IL1RAPL2: variants seen among roughly 807,000 people sequenced by gnomAD.
IL1RAPL2 encodes interleukin 1 receptor accessory protein like 2.
Under a neutral mutation model 44.1 loss-of-function variants are expected in IL1RAPL2, and 3 were observed. The observed-to-expected ratio is 0.07, with a 90% CI of 0.03 to 0.18. The LOEUF (loss-of-function observed/expected upper bound fraction) is 0.18. IL1RAPL2 is among the 10% of genes least tolerant of loss of function. The probability of loss-of-function intolerance (pLI) is 1.00; values close to 1 mark genes in which losing one functional copy is unlikely to be tolerated. For synonymous variants in IL1RAPL2, 181 were observed against 178.8 expected (o/e 1.01, Z -0.10); for missense variants, 391 against 496.4 (o/e 0.79, Z 2.02).
intron 2 of IL1RAPL2, among the ~76,000 whole-genome samples, chrX:104,895,549 T>C (rs752058752): frequency 8.9e-6 from 1 of 112,633 alleles, no homozygotes; most frequent in East Asian, 2.8e-4. Flanking sequence ...GTGCTAGCAA[T>C]GAGTGAGGCT....
At chrX:104,668,411 G>T (rs1355364337) in intron 2 of IL1RAPL2, among the ~76,000 whole-genome samples, 3 of 105,266 alleles carry the variant, frequency 2.8e-5, no homozygotes, top group Non-Finnish European at 5.8e-5. Context: ...GTGCCATGCT[G>T]GTGTGCTGCA....
intron 2 of IL1RAPL2, among the ~76,000 whole-genome samples, chrX:104,692,896 TC>T (rs1931115723): frequency 9.0e-6 from 1 of 111,540 alleles, no homozygotes; most frequent in South Asian, 3.8e-4. Flanking sequence ...TATTTCTAGT[TC>T]TAGATCTCTG....
rs765364135 is a variant in IL1RAPL2, at chrX:105,118,777, G to A, written c.83-76698G>A. The stretch of plus-strand genomic sequence containing the variant: ...TGCACAGATAGTTATTACCCTGTAA[G>A]AAGAGATGTGAGCGTATTCGGAAAT... On this transcript the variant is annotated intron_variant, in intron 2 of 10. Coordinates refer to ENST00000372582, the MANE Select transcript of IL1RAPL2 (RefSeq NM_017416.2). 2.7e-5 allele frequency among the ~76,000 whole-genome samples: 3 copies of A among 112,233 alleles called. No individual in the cohort carries two copies. The South Asian group carries it at 1.1e-3, about 41-fold the overall frequency.
chrX:104,567,779 A>C (rs1437758487), intron 1 of IL1RAPL2, among the ~76,000 whole-genome samples: 1 of 112,240 alleles, frequency 8.9e-6, no homozygotes, highest in Non-Finnish European at 1.9e-5. Flanking sequence ...GCCACTCGCG[A>C]GTGGCTCGCC....
intron 1 of IL1RAPL2, among the ~76,000 whole-genome samples, chrX:104,656,168 A>G (rs1049695707): frequency 2.7e-5 from 3 of 109,763 alleles, no homozygotes; most frequent in African/African-American, 3.3e-5. Context: ...TCCTGTCTCT[A>G]TCTCCTTTAG....
chrX:104,896,159 C>T (rs146446021), intron 2 of IL1RAPL2, among the ~76,000 whole-genome samples: 2,592 of 112,084 alleles, frequency 0.023, 69 homozygotes, highest in African/African-American at 0.081. Context: ...GGCAACATGG[C>T]TTCTCCCCTT....
At chrX:105,689,857 G>T (rs768904667) in intron 6 of IL1RAPL2, among the ~76,000 whole-genome samples, 33 of 112,078 alleles carry the variant, frequency 2.9e-4, no homozygotes, top group African/African-American at 9.7e-4. Context: ...AGAAAATGTG[G>T]CACATATACA....
intron 2 of IL1RAPL2, among the ~76,000 whole-genome samples, chrX:104,708,319 C>T (rs1931395093): frequency 2.7e-5 from 3 of 111,188 alleles, no homozygotes; most frequent in African/African-American, 9.8e-5. Context: ...TAGTCCTTTT[C>T]ACCTTGAAAC....
At chrX:105,637,177 T>C (rs1200923113) in intron 6 of IL1RAPL2, among the ~76,000 whole-genome samples, 1 of 111,863 alleles carries the variant, frequency 8.9e-6, no homozygotes, top group Non-Finnish European at 1.9e-5. Flanking sequence ...TACCTCTTTA[T>C]TAGATCTTTC....
intron 2 of IL1RAPL2, among the ~76,000 whole-genome samples, chrX:104,743,753 G>T (rs1569306920): frequency 3.6e-5 from 4 of 111,221 alleles, no homozygotes; most frequent in Non-Finnish European, 7.6e-5. Context: ...AGATTACTTT[G>T]CAGACTTCCT....
Position 104,802,061 on chromosome X carries a change from A to C in IL1RAPL2, c.82+143066A>C, listed in dbSNP as rs1007250255. Among the ~76,000 whole-genome samples the C allele has an allele frequency of 6.5e-4, 72 of 111,155 alleles. 3 individuals carry two copies. The highest frequency in any genetic ancestry group is 1.3e-4 in the Non-Finnish European group (7 of 53,043). ...AAAACAGCATCACAAAAATCAGTCC[A>C]AGGCCAGGCGCGGTGGTTCACCCCT... On this transcript the variant is annotated intron_variant, in intron 2 of 10. Transcript: ENST00000372582.
chrX:105,022,949 G>GA (rs1196165110), intron 2 of IL1RAPL2, among the ~76,000 whole-genome samples: 2 of 110,916 alleles, frequency 1.8e-5, no homozygotes. Flanking sequence ...TAGCAGCTGT[G>GA]AAGCAGAGAT....
intron 5 of IL1RAPL2, among the ~76,000 whole-genome samples, chrX:105,335,257 G>C (rs947487048): frequency 9.0e-6 from 1 of 111,417 alleles, no homozygotes; most frequent in Non-Finnish European, 1.9e-5. Flanking sequence ...CACCATAGCT[G>C]TTCAGTGGGT....
chrX:104,851,758 C>A (rs764378584), intron 2 of IL1RAPL2, among the ~76,000 whole-genome samples: 2 of 111,445 alleles, frequency 1.8e-5, no homozygotes, highest in African/African-American at 6.5e-5. Flanking sequence ...GTTCACAGTT[C>A]TGCAGGCTGG....
At chrX:105,206,914 C>T (rs1439082854) in intron 3 of IL1RAPL2, among the ~76,000 whole-genome samples, 8 of 111,372 alleles carry the variant, frequency 7.2e-5, no homozygotes, top group South Asian at 7.5e-4. Flanking sequence ...ATATAAGACT[C>T]GTGATGAATC....
intron 3 of IL1RAPL2, among the ~76,000 whole-genome samples, chrX:105,215,608 T>G (rs1338291557): frequency 8.9e-6 from 1 of 111,977 alleles, no homozygotes; most frequent in Admixed American, 9.5e-5. Flanking sequence ...TAACTCATTT[T>G]ATGAGGGCAG....
Position 105,195,351 on chromosome X carries a change from A to G in IL1RAPL2, c.83-124A>G, listed in dbSNP as rs376168239. On this transcript the variant is annotated intron_variant, in intron 2 of 10. Coordinates refer to ENST00000372582, the MANE Select transcript of IL1RAPL2 (RefSeq NM_017416.2). ...AGATACAAGTCTATCTCATAGGATT[A>G]CTGGGAAGATTGAATGAAGTAATCT... 39 of 640,531 alleles carry G rather than the reference A, an allele frequency of 6.1e-5. No homozygotes were observed. The East Asian group carries it at 1.2e-3, about 20-fold the overall frequency. 52.8% of individuals were successfully genotyped at this position (640,531 alleles called of 1,213,427 possible).
intron 6 of IL1RAPL2, among the ~76,000 whole-genome samples, chrX:105,694,747 A>C (rs900757158): frequency 9.0e-6 from 1 of 111,613 alleles, no homozygotes; most frequent in African/African-American, 3.3e-5. Context: ...TGGTACAGCA[A>C]CATCAACACC....
chrX:104,616,718 T>C (rs1325475311), intron 1 of IL1RAPL2, among the ~76,000 whole-genome samples: 1 of 111,775 alleles, frequency 8.9e-6, no homozygotes, highest in African/African-American at 3.3e-5. Context: ...TTCGACTCCC[T>C]GTGATTTCAT....
Sources: gnomAD v4.1 joint callset for allele counts (sites outside exome capture counted in the v4.1 genomes callset) on GRCh38, gnomAD v4.1.1 for gene constraint, MANE v1.5 for transcripts, NCBI Gene and HGNC (gene_info 2026-07-23, HGNC 2026-07-21) for gene names.